The following PCDHA12 variants were observed in gnomAD, a reference collection of about 807,000 sequenced individuals.
The protein encoded by PCDHA12 is protocadherin alpha-12.
In PCDHA12, 44 loss-of-function variants were observed where a neutral mutation model predicts 60.0. The ratio of observed to expected loss-of-function variants is 0.73; its 90% confidence interval spans 0.58 to 0.94. PCDHA12 has a LOEUF of 0.94. Among genes scored for constraint, PCDHA12 ranks in the 40% least tolerant of loss-of-function variants. The probability of loss-of-function intolerance (pLI) is 0.00; values close to 1 mark genes in which losing one functional copy is unlikely to be tolerated. For synonymous variants in PCDHA12, 569 were observed against 553.0 expected (o/e 1.03, Z -0.40); for missense variants, 1,276 against 1,239.7 (o/e 1.03, Z -0.44).
chr5:140,967,836 A>G, intron 1 of PCDHA12: 1 of 1,614,136 alleles, frequency 6.2e-7, no homozygotes, highest in African/African-American at 1.3e-5. Flanking sequence ...GACATCGTGG[A>G]CGTGAATGAC....
intron 1 of PCDHA12, among the ~76,000 whole-genome samples, chr5:140,930,607 G>T (rs536411934): frequency 2.4e-4 from 36 of 152,252 alleles, no homozygotes; most frequent in African/African-American, 7.5e-4. Flanking sequence ...AATCCTAGAT[G>T]CAAGAGAAGG....
chr5:140,883,559 G>A (rs2059672435), intron 1 of PCDHA12: 5 of 1,614,074 alleles, frequency 3.1e-6, no homozygotes, highest in Non-Finnish European at 4.2e-6. Context: ...GCGGGACGGG[G>A]GCTCGCCTTC....
At chr5:140,910,479 A>G (rs2075041093) in intron 1 of PCDHA12, among the ~76,000 whole-genome samples, 1 of 152,212 alleles carries the variant, frequency 6.6e-6, no homozygotes. Context: ...AAAATCTGGC[A>G]TACAGAGAAG....
At chr5:140,911,775 C>T (rs1341124275) in intron 1 of PCDHA12, among the ~76,000 whole-genome samples, 1 of 152,096 alleles carries the variant, frequency 6.6e-6, no homozygotes, top group African/African-American at 2.4e-5. Context: ...AAGTACAGTC[C>T]TTAGCATTTT....
rs1210767626 is a variant in PCDHA12 at position 141,010,197 on chromosome 5, C to G, written c.*260C>G. 83 of 1,552,082 alleles carry G rather than the reference C, an allele frequency of 5.3e-5. No homozygotes were observed. Among genetic ancestry groups the G allele is most frequent in the Non-Finnish European group, 6.6e-5 (76 of 1,147,118 alleles). On this transcript the variant is annotated 3_prime_UTR_variant, in exon 4 of 4. Coordinates refer to ENST00000398631, the MANE Select transcript of PCDHA12 (RefSeq NM_018903.4). ...AAAAGCAGACCCAAGTTTCCTTTCT[C>G]CTCCGCCGCAAAGGAGAGGCTTCCC...
At chr5:140,990,367 A>G (rs1162635749) in intron 3 of PCDHA12, among the ~76,000 whole-genome samples, 1 of 152,104 alleles carries the variant, frequency 6.6e-6, no homozygotes, top group Non-Finnish European at 1.5e-5. Context: ...AATCTAATAA[A>G]GCAAATTTGT....
At chr5:140,997,668 TTGTGTGTGTGTG>T (rs35184029) in intron 3 of PCDHA12, among the ~76,000 whole-genome samples, 3 of 148,244 alleles carry the variant, frequency 2.0e-5, no homozygotes, top group South Asian at 2.2e-4. Context: ...ATTATACAGC[TTGTGTGTGTGTG>T]TGTGTGTGTG....
intron 2 of PCDHA12, 164 bp downstream of exon 2, chr5:140,979,171 C>T (rs1586797637): frequency 4.2e-6 from 4 of 960,866 alleles, no homozygotes; most frequent in South Asian, 4.8e-5. Context: ...CTTGAAAGAT[C>T]GCAAATGGTC....
At chr5:140,966,268 A>C (rs542154117) in intron 1 of PCDHA12, 5 of 351,754 alleles carry the variant, frequency 1.4e-5, no homozygotes, top group African/African-American at 1.0e-4. Context: ...AGACTGGATG[A>C]ACTGGACAGT....
chr5:140,942,310 C>T (rs782391809), intron 1 of PCDHA12, among the ~76,000 whole-genome samples: 14 of 151,402 alleles, frequency 9.2e-5, no homozygotes, highest in East Asian at 1.9e-4. Flanking sequence ...CTTGGGAGGT[C>T]GAGGCACAAG....
chr5:140,922,381 A>T (rs1554200794), intron 1 of PCDHA12, among the ~76,000 whole-genome samples: 2 of 152,208 alleles, frequency 1.3e-5, no homozygotes, highest in Admixed American at 6.5e-5. Flanking sequence ...TGCAAAACCA[A>T]AGACTCCTTG....
intron 1 of PCDHA12, among the ~76,000 whole-genome samples, chr5:140,886,261 T>C (rs1162814294): frequency 1.3e-5 from 2 of 152,036 alleles, no homozygotes; most frequent in African/African-American, 4.8e-5. Context: ...TCTCTATTTA[T>C]AGATAAAATT....
At chr5:140,880,944 G>A (rs1256173059) in intron 1 of PCDHA12, among the ~76,000 whole-genome samples, 2 of 152,198 alleles carry the variant, frequency 1.3e-5, no homozygotes, top group African/African-American at 4.8e-5. Context: ...AATGGAGCAG[G>A]AGAGGATGAT....
intron 2 of PCDHA12, among the ~76,000 whole-genome samples, chr5:140,979,316 G>A (rs782153299): frequency 2.0e-5 from 3 of 151,950 alleles, no homozygotes; most frequent in Non-Finnish European, 4.4e-5. Context: ...CTCTACCTAT[G>A]CTTTCTTTTC....
chr5:140,964,939 T>C (rs1230992301), intron 1 of PCDHA12, among the ~76,000 whole-genome samples: 1 of 152,182 alleles, frequency 6.6e-6, no homozygotes, highest in Non-Finnish European at 1.5e-5. Flanking sequence ...GGAGCATTGA[T>C]AGTGAGTGTG....
At chr5:140,966,374 C>A in intron 1 of PCDHA12, 1 of 405,174 alleles carries the variant, frequency 2.5e-6, no homozygotes, top group South Asian at 1.3e-4. Flanking sequence ...GCTGAGCAGT[C>A]CGGGTTCGCT....
intron 1 of PCDHA12, among the ~76,000 whole-genome samples, chr5:140,951,667 C>T (rs180768474): frequency 6.6e-6 from 1 of 152,156 alleles, no homozygotes; most frequent in African/African-American, 2.4e-5. Context: ...GGCCTGCCTA[C>T]AAAATTGGGG....
intron 1 of PCDHA12, among the ~76,000 whole-genome samples, chr5:140,932,458 G>T (rs1316450984): frequency 6.6e-6 from 1 of 151,710 alleles, no homozygotes; most frequent in African/African-American, 2.4e-5. Flanking sequence ...TTTTGCCAGG[G>T]TATATAGGAA....
chr5:140,924,178 A>C (rs2081709408), intron 1 of PCDHA12, among the ~76,000 whole-genome samples: 3 of 152,260 alleles, frequency 2.0e-5, no homozygotes. Context: ...GCACTGAAGC[A>C]GAAAATTAGT....
Sources: allele counts gnomAD v4.1 joint callset (sites outside exome capture counted in the v4.1 genomes callset), GRCh38; gene constraint gnomAD v4.1.1; transcripts MANE v1.5; gene names NCBI Gene and HGNC (gene_info 2026-07-23, HGNC 2026-07-21).